The following USP32 variants were observed in gnomAD, a reference collection of about 807,000 sequenced individuals.
USP32 encodes the protein ubiquitin specific peptidase 32.
In USP32, 59 loss-of-function variants were observed where a neutral mutation model predicts 204.8. The observed-to-expected ratio is 0.29, with a 90% CI of 0.23 to 0.36. USP32 has a LOEUF of 0.36. USP32 is among the 10% of genes least tolerant of loss of function. The pLI is 1.00. For missense variants in USP32, 1,160 were observed against 1,946.4 expected (o/e 0.60, Z 7.60); for synonymous variants, 517 against 678.4 (o/e 0.76, Z 3.70).
intron 1 of USP32, among the ~76,000 whole-genome samples, chr17:60,349,596 A>AAAT (rs1555618242): frequency 4.8e-4 from 31 of 65,180 alleles, no homozygotes; most frequent in South Asian, 1.6e-3. Context: ...AAAAAAAAAA[A>AAAT]ATATATATAT....
Position 60,303,366 on chromosome 17 carries a change from A to G in USP32, c.187-1662T>C, listed in dbSNP as rs2087635187. 3.3e-5 allele frequency among the ~76,000 whole-genome samples: 5 copies of G among 152,264 alleles called. No individual in the cohort carries two copies. In the South Asian group the frequency reaches 1.0e-3, roughly 32 times the overall value. On this transcript the variant is annotated intron_variant, in intron 2 of 33. Coordinates refer to ENST00000300896, the MANE Select transcript of USP32 (RefSeq NM_032582.4). Reference sequence around the variant, plus strand: ...ACTGGGAAGAAGGAAGATCAATGTAAAAGTGTCACCCCTAATATCCAGGGA... The same window carrying G: ...ACTGGGAAGAAGGAAGATCAATGTAGAAGTGTCACCCCTAATATCCAGGGA...
In USP32 at chr17:60,385,499, T is replaced by G. The variant is rs190371777; in HGVS notation, c.58+6383A>C. ...GACAGAGGTTGCAGTGAGCCAAGAT[T>G]GCGCCACTACACTCCAACCTGGGTG... On this transcript the variant is annotated intron_variant, in intron 1 of 33. Coordinates refer to ENST00000300896, the MANE Select transcript of USP32 (RefSeq NM_032582.4). Among the ~76,000 whole-genome samples, 236 of 150,546 alleles carry G rather than the reference T, an allele frequency of 1.6e-3. 2 individuals carry two copies. Among genetic ancestry groups the G allele is most frequent in the South Asian group, 0.015 (72 of 4,750 alleles).
chr17:60,401,940 G>A (rs866255399), intron 1 of USP32, among the ~76,000 whole-genome samples: 2 of 152,090 alleles, frequency 1.3e-5, no homozygotes, highest in African/African-American at 4.8e-5. Flanking sequence ...CCCCCACTGA[G>A]ACAAACTCTC....
intron 5 of USP32, among the ~76,000 whole-genome samples, chr17:60,273,267 G>A (rs866374233): frequency 1.3e-5 from 2 of 152,036 alleles, no homozygotes; most frequent in African/African-American, 4.8e-5. Flanking sequence ...ATGAGTCACC[G>A]CACCCAGCCC....
At position 60,323,866 on chromosome 17, in the gene USP32, C is replaced by A. The variant is rs916971800; in HGVS notation, c.186+21615G>T. ...TCTAAAAAGCGTCAAAACATCTCTA[C>A]AGCTTCTGCCATTTGGAAATTAAGA... is the stretch of plus-strand genomic sequence containing the variant. On this transcript the variant is annotated intron_variant, in intron 2 of 33. Transcript: ENST00000300896. Among the ~76,000 whole-genome samples the A allele has an allele frequency of 5.3e-5, 8 of 152,338 alleles. No homozygotes were observed. In the South Asian group the frequency reaches 6.2e-4, roughly 12 times the overall value.
intron 12 of USP32, among the ~76,000 whole-genome samples, chr17:60,235,229 A>G (rs1321115507): frequency 6.6e-6 from 1 of 152,200 alleles, no homozygotes; most frequent in Admixed American, 6.5e-5. Context: ...AAATATAAAA[A>G]CCAAAAAAGT....
chr17:60,373,443 AT>A (rs138532417), intron 1 of USP32, among the ~76,000 whole-genome samples: 30,122 of 135,742 alleles, frequency 0.22, 4,156 homozygotes, highest in African/African-American at 0.49. Context: ...GCTTACTGTA[AT>A]TTTTTTTTTT....
At chr17:60,348,195 GA>G (rs2088836634) in intron 1 of USP32, among the ~76,000 whole-genome samples, 1 of 152,084 alleles carries the variant, frequency 6.6e-6, no homozygotes, top group Admixed American at 6.5e-5. Context: ...GGAAACCTTG[GA>G]AAATGCAATG....
chr17:60,334,396 C>A (rs2088464362), intron 2 of USP32, among the ~76,000 whole-genome samples: 1 of 152,080 alleles, frequency 6.6e-6, no homozygotes. Flanking sequence ...CACAACATAT[C>A]TCTCTCAATT....
At position 60,367,360 on chromosome 17, in the gene USP32, A is replaced by G. The variant is rs2089338626; in HGVS notation, c.59-21752T>C. 3.9e-5 allele frequency among the ~76,000 whole-genome samples: 6 copies of G among 152,114 alleles called. 1 individual carries two copies. In the South Asian group the frequency reaches 1.2e-3, roughly 32 times the overall value. On this transcript the variant is annotated intron_variant, in intron 1 of 33. Coordinates refer to ENST00000300896, the MANE Select transcript of USP32 (RefSeq NM_032582.4). ...TTGTCTCTACTAAAATTCAAAAACAATTGGCAGGGCGTGATGGCTCATGCT... is the reference window on the plus strand; with the variant it reads ...TTGTCTCTACTAAAATTCAAAAACAGTTGGCAGGGCGTGATGGCTCATGCT...
At chr17:60,245,280 T>A (rs112859416) in intron 11 of USP32, 264 of 269,012 alleles carry the variant, frequency 9.8e-4, no homozygotes, top group African/African-American at 5.9e-3. Flanking sequence ...AACATGCATA[T>A]GAGCTGTCTA....
intron 12 of USP32, among the ~76,000 whole-genome samples, chr17:60,235,256 T>C (rs1043330220): frequency 4.6e-5 from 7 of 152,214 alleles, no homozygotes; most frequent in Non-Finnish European, 1.0e-4. Flanking sequence ...AAATAATGAC[T>C]GATGCTGTAC....
chr17:60,242,242 A>T (rs1025389628), intron 11 of USP32, among the ~76,000 whole-genome samples: 1 of 152,150 alleles, frequency 6.6e-6, no homozygotes, highest in African/African-American at 2.4e-5. Context: ...CTCCTGTCTC[A>T]GCCTCCTGAG....
chr17:60,212,002 A>C, intron 19 of USP32, 22 bp downstream of exon 19: 2 of 1,521,778 alleles, frequency 1.3e-6, no homozygotes, highest in Non-Finnish European at 1.8e-6. Flanking sequence ...AATCTCTTTA[A>C]AAAATAATAC....
At chr17:60,324,234 A>G (rs2088178066) in intron 2 of USP32, among the ~76,000 whole-genome samples, 1 of 151,758 alleles carries the variant, frequency 6.6e-6, no homozygotes, top group East Asian at 1.9e-4. Flanking sequence ...ATCAGCTATG[A>G]TTGCACCACT....
chr17:60,211,952 T>C (rs931987559), intron 19 of USP32, 72 bp downstream of exon 19: 12 of 1,302,918 alleles, frequency 9.2e-6, no homozygotes, highest in Non-Finnish European at 1.3e-5. Flanking sequence ...GTTAGCACTT[T>C]AACAGTTGAG....
intron 4 of USP32, among the ~76,000 whole-genome samples, chr17:60,288,977 C>T (rs2087194624): frequency 6.6e-6 from 1 of 152,162 alleles, no homozygotes; most frequent in Non-Finnish European, 1.5e-5. Flanking sequence ...CTAAGTATAT[C>T]CCAAAACCAG....
chr17:60,308,663 C>T (rs2087785123), intron 2 of USP32, among the ~76,000 whole-genome samples: 2 of 152,234 alleles, frequency 1.3e-5, no homozygotes, highest in Non-Finnish European at 2.9e-5. Flanking sequence ...TGCGGTGGCT[C>T]ATGTCTGGAA....
intron 11 of USP32, chr17:60,245,611 T>C (rs1598133116): frequency 6.2e-6 from 2 of 322,800 alleles, no homozygotes; most frequent in East Asian, 9.2e-5. Flanking sequence ...CTCTTTTTGA[T>C]GATCTTGGAC....
Sources: allele counts gnomAD v4.1 joint callset (sites outside exome capture counted in the v4.1 genomes callset), GRCh38; gene constraint gnomAD v4.1.1; transcripts MANE v1.5; gene names NCBI Gene and HGNC (gene_info 2026-07-23, HGNC 2026-07-21).